Variants in TNRC18 observed in about 807,000 individuals in gnomAD.
TNRC18 encodes trinucleotide repeat-containing gene 18 protein.
In TNRC18, 69 loss-of-function variants were observed where a neutral mutation model predicts 226.7. The ratio of observed to expected loss-of-function variants is 0.30; its 90% CI spans 0.25 to 0.37. The LOEUF (loss-of-function observed/expected upper bound fraction) is 0.37, where lower values mean the gene tolerates loss of function less well. TNRC18 is among the 10% of genes least tolerant of loss of function. TNRC18 has a pLI of 1.00. For missense variants in TNRC18, 4,754 were observed against 4,256.6 expected, an observed-to-expected ratio of 1.12 and a Z score of -3.25; for synonymous variants, 2,449 against 1,927.6, an observed-to-expected ratio of 1.27 and a Z score of -7.09.
rs112656100 is a variant in TNRC18 at position 5,391,835 on chromosome 7, T to TAAAAAA, written c.344-1213_344-1208dup. ...AACATAGTGTGACCCCATCTCTATT[T>TAAAAAA]AAAAAAAAAAAAAAAAAATTTAAAT... On this transcript the variant is annotated intron_variant, in intron 3 of 29. Transcript: ENST00000430969. 3.2e-5 allele frequency among the ~76,000 whole-genome samples: 4 copies of TAAAAAA among 125,456 alleles called. No individual in the cohort carries two copies. The South Asian group carries it at 8.4e-4, about 26-fold the overall frequency. The allele number at this position is 125,456 out of a possible 152,430, so 82.3% of individuals were successfully genotyped here.
rs1257006304 is a variant in TNRC18 at position 5,345,778 on chromosome 7, C to T, written c.5503G>A (p.Glu1835Lys). ...CTGGCCTCGTCCTCCTCCTCGAGCT[C>T]CTCCTCCTCGTCCTCCTCCTCCGAG... ...ESSEEEDEEE[E>K]LEEEDEASGG... is the part of the protein sequence containing the mutation. Residue 1835 changes from glutamate (E) to lysine (K), a missense_variant, in exon 18 of 30, where the codon GAG becomes AAG. Coordinates refer to ENST00000430969, the MANE Select transcript of TNRC18 (RefSeq NM_001080495.3). The T allele has an allele frequency of 1.3e-6, 2 of 1,545,888 alleles. No homozygotes were observed. Among genetic ancestry groups the T allele is most frequent in the Non-Finnish European group, 1.7e-6 (2 of 1,146,706 alleles).
Position 5,313,734 on chromosome 7 carries a change from G to T in TNRC18, c.7157C>A (p.Ala2386Asp), listed in dbSNP as rs1226958174. The change falls in exon 27 of 30, where the codon GCC becomes GAC. Residue 2386 changes from alanine to aspartate, a missense_variant. Ala to Asp is a moderately radical substitution (Grantham distance 126). Coordinates refer to ENST00000430969, the MANE Select transcript of TNRC18 (RefSeq NM_001080495.3). ...CGGCGGTGCCGGGCGCGCCTTGGGGGCCTTGGCTCGCTTGTCCACAGGCTC... is the reference window on the plus strand; with the variant it reads ...CGGCGGTGCCGGGCGCGCCTTGGGGTCCTTGGCTCGCTTGTCCACAGGCTC... ...PPEPVDKRAK[A>D]PKARPAPPQP... 4 of 1,573,552 alleles carry T rather than the reference G, an allele frequency of 2.5e-6. No homozygotes were observed. Among genetic ancestry groups the T allele is most frequent in the Non-Finnish European group, 3.4e-6 (4 of 1,160,238 alleles).
chr7:5,359,719 A>T (rs1479652243), intron 14 of TNRC18, 150 bp from the exon 15 acceptor site: 2 of 780,234 alleles, frequency 2.6e-6, no homozygotes, highest in Non-Finnish European at 4.2e-6. Flanking sequence ...GGATCTTGTA[A>T]AACAACAGTG....
rs1436183070 is a variant in TNRC18 at position 5,313,492 on chromosome 7, C to T, written c.7399G>A (p.Glu2467Lys). ...EAELLVKLDH[E>K]GVTSPKSKKA... The stretch of plus-strand genomic sequence containing the variant: ...TTGCTTTTGGGTGACGTGACACCCT[C>T]GTGGTCCAGTTTGACAAGCAGCTCG... The change falls in exon 27 of 30, where the codon GAG becomes AAG. Residue 2467 changes from glutamate to lysine, a missense_variant. Transcript: ENST00000430969. The T allele has an allele frequency of 6.2e-7, 1 of 1,613,300 alleles. No individual in the cohort carries two copies. Among genetic ancestry groups the T allele is most frequent in the Non-Finnish European group, 8.5e-7 (1 of 1,179,540 alleles).
chr7:5,371,221 C>T lies in TNRC18; in HGVS notation c.3373G>A (p.Ala1125Thr). Residue 1125 changes from alanine to threonine, a missense_variant, in exon 11 of 30, where the codon GCA becomes ACA. By Grantham distance (58) the Ala-to-Thr change is moderately conservative. Transcript: ENST00000430969. Reference protein sequence around the residue: ...PLPADGPERLALSPEDKPIRL... With the variant: ...PLPADGPERLTLSPEDKPIRL... ...ATGGGCTTGTCTTCGGGTGAGAGTG[C>T]CAGGCGCTCGGGCCCATCAGCCGGG... 1 of 1,605,422 alleles carries T rather than the reference C, an allele frequency of 6.2e-7. No homozygotes were observed. Among genetic ancestry groups the T allele is most frequent in the South Asian group, 1.1e-5 (1 of 90,742 alleles).
chr7:5,406,247 G>A (rs905027264), intron 2 of TNRC18, among the ~76,000 whole-genome samples: 3 of 151,510 alleles, frequency 2.0e-5, no homozygotes, highest in African/African-American at 4.9e-5. Context: ...CAAATCATTC[G>A]AAGTCAGGAG....
Position 5,315,996 on chromosome 7 carries a change from G to T in TNRC18, c.6822C>A (p.Leu2274=), listed in dbSNP as rs1369291792. ...CAGGGGGCAGGAGGCGGATATGTGAGAGGGGGATCCTGCCCGTGTCTCCGT... is the reference window on the plus strand; with the variant it reads ...CAGGGGGCAGGAGGCGGATATGTGATAGGGGGATCCTGCCCGTGTCTCCGT... ...FDDGDTGRIP[L]SHIRLLPPDY... is the part of the protein sequence containing the mutation. The change falls in exon 25 of 30, where the codon CTC becomes CTA. Residue 2274 remains leucine, a synonymous_variant. Transcript: ENST00000430969. 6.2e-7 allele frequency: 1 copy of T among 1,603,358 alleles called. No individual in the cohort carries two copies. The highest frequency in any genetic ancestry group is 1.7e-5 in the Admixed American group (1 of 58,652).
chr7:5,393,487 C>T (rs1396521246), intron 3 of TNRC18, among the ~76,000 whole-genome samples: 1 of 152,188 alleles, frequency 6.6e-6, no homozygotes. Context: ...GACGGTCAGA[C>T]CTGGCCCCGC....
intron 2 of TNRC18, among the ~76,000 whole-genome samples, chr7:5,395,297 A>G (rs1267473883): frequency 6.6e-6 from 1 of 152,104 alleles, no homozygotes; most frequent in Non-Finnish European, 1.5e-5. Flanking sequence ...GGGGCCGCTA[A>G]GGGAGCCCCG....
intron 10 of TNRC18, among the ~76,000 whole-genome samples, chr7:5,371,877 C>T (rs899451489): frequency 1.3e-5 from 2 of 152,120 alleles, no homozygotes; most frequent in African/African-American, 4.8e-5. Context: ...TCAAGACCAG[C>T]CTGAGCAACA....
chr7:5,413,196 TG>T (rs1781950912), intron 2 of TNRC18, among the ~76,000 whole-genome samples: 1 of 152,088 alleles, frequency 6.6e-6, no homozygotes, highest in Non-Finnish European at 1.5e-5. Context: ...CTACAGTACA[TG>T]AGAGGGTGGG....
At chr7:5,422,768 C>T (rs1041516395) in intron 1 of TNRC18, 3 of 152,234 alleles carry the variant, frequency 2.0e-5, no homozygotes, top group African/African-American at 7.2e-5. Context: ...TTACAAACAC[C>T]CCCTCCCTCC....
chr7:5,343,572 G>T (rs555771923), intron 18 of TNRC18, among the ~76,000 whole-genome samples: 16 of 152,242 alleles, frequency 1.1e-4, no homozygotes, highest in African/African-American at 3.4e-4. Flanking sequence ...AGAGGCGCAT[G>T]CTACCGTGCC....
intron 18 of TNRC18, among the ~76,000 whole-genome samples, chr7:5,338,080 A>C (rs2128132621): frequency 6.6e-6 from 1 of 152,322 alleles, no homozygotes; most frequent in South Asian, 2.1e-4. Context: ...ATGAGGTATG[A>C]TATGGACTTA....
chr7:5,333,056 G>A lies in TNRC18; in HGVS notation c.5720-7C>T. The A allele has an allele frequency of 1.3e-6, 2 of 1,567,760 alleles. No homozygotes were observed. Among genetic ancestry groups the A allele is most frequent in the Non-Finnish European group, 8.6e-7 (1 of 1,164,756 alleles). ...GTGTACTCGAACTCTGTGCCTGAAC[G>A]CGGGAGGAGGGCGTGCTGGTCACAG... On this transcript the variant is annotated splice_polypyrimidine_tract_variant and splice_region_variant and intron_variant, in intron 18 of 29. Coordinates refer to ENST00000430969, the MANE Select transcript of TNRC18 (RefSeq NM_001080495.3).
intron 2 of TNRC18, among the ~76,000 whole-genome samples, chr7:5,397,285 G>A (rs947298161): frequency 6.6e-6 from 1 of 152,188 alleles, no homozygotes; most frequent in African/African-American, 2.4e-5. Context: ...CCAGCAGCCA[G>A]GGTTTGCGCA....
chr7:5,325,628 G>C, intron 19 of TNRC18: 1 of 207,938 alleles, frequency 4.8e-6, no homozygotes, highest in Non-Finnish European at 9.6e-6. Flanking sequence ...GTTTTACCGT[G>C]TTTGCGAGGA....
At chr7:5,412,704 T>A (rs1212643473) in intron 2 of TNRC18, among the ~76,000 whole-genome samples, 1 of 152,222 alleles carries the variant, frequency 6.6e-6, no homozygotes, top group Non-Finnish European at 1.5e-5. Context: ...AGTCATCACA[T>A]GCCCTTTAAC....
intron 19 of TNRC18, among the ~76,000 whole-genome samples, chr7:5,328,022 G>T (rs1176328747): frequency 6.6e-6 from 1 of 151,820 alleles, no homozygotes; most frequent in Admixed American, 6.6e-5. Context: ...AGGAGTTCGA[G>T]ACCAGCCCAG....
Sources: gnomAD v4.1 joint callset for allele counts (sites outside exome capture counted in the v4.1 genomes callset) on GRCh38, gnomAD v4.1.1 for gene constraint, MANE v1.5 for transcripts, NCBI Gene and HGNC (gene_info 2026-07-23, HGNC 2026-07-21) for gene names.